SDK1: variants seen among roughly 807,000 people sequenced by gnomAD.
SDK1 encodes sidekick cell adhesion molecule 1, also known as protein sidekick-1.
Under a neutral mutation model 245.5 loss-of-function variants are expected in SDK1, and 157 were observed. The ratio of observed to expected loss-of-function variants is 0.64; its 90% confidence interval spans 0.56 to 0.73. The LOEUF (loss-of-function observed/expected upper bound fraction) is 0.73, where lower values mean the gene tolerates loss of function less well. SDK1 is among the 30% of genes least tolerant of loss of function. The pLI is 0.00. For synonymous variants in SDK1, 1,647 were observed against 1,278.5 expected, an observed-to-expected ratio of 1.29 and a Z score of -6.15; for missense variants, 3,583 against 3,002.3, an observed-to-expected ratio of 1.19 and a Z score of -4.52.
chr7:4,236,357 G>A (rs1050122663), intron 41 of SDK1, among the ~76,000 whole-genome samples: 5 of 152,214 alleles, frequency 3.3e-5, no homozygotes, highest in African/African-American at 4.8e-5. Context: ...CGAGCAGAAC[G>A]AGACAGAAGG....
chr7:4,070,420 G>T (rs2128174270), intron 20 of SDK1, among the ~76,000 whole-genome samples: 1 of 152,320 alleles, frequency 6.6e-6, no homozygotes, highest in South Asian at 2.1e-4. Context: ...GCCACCTCGG[G>T]CTGGAGGCTC....
At chr7:3,821,255 G>T (rs1779638727) in intron 4 of SDK1, among the ~76,000 whole-genome samples, 195 bp from the exon 5 acceptor site, 1 of 151,390 alleles carries the variant, frequency 6.6e-6, no homozygotes, top group East Asian at 1.9e-4. Context: ...TGGGGCTGCA[G>T]TGTGCCAGCT....
chr7:3,329,976 T>C (rs890537897), intron 1 of SDK1, among the ~76,000 whole-genome samples: 1 of 152,250 alleles, frequency 6.6e-6, no homozygotes, highest in Non-Finnish European at 1.5e-5. Flanking sequence ...GATTTTGGTA[T>C]GCATAGGAGG....
chr7:3,942,344 A>G (rs1459287938), intron 5 of SDK1, among the ~76,000 whole-genome samples: 1 of 152,214 alleles, frequency 6.6e-6, no homozygotes, highest in Non-Finnish European at 1.5e-5. Flanking sequence ...ATGACTCTGC[A>G]GAGACGGGGC....
intron 4 of SDK1, among the ~76,000 whole-genome samples, chr7:3,788,044 G>A (rs1481344148): frequency 6.6e-6 from 1 of 152,172 alleles, no homozygotes; most frequent in Non-Finnish European, 1.5e-5. Flanking sequence ...ATGCCAAACA[G>A]CTCGTGTGCT....
chr7:3,847,573 G>A (rs189476414), intron 5 of SDK1, among the ~76,000 whole-genome samples: 75 of 152,292 alleles, frequency 4.9e-4, no homozygotes, highest in African/African-American at 1.5e-3. Context: ...TGCTTCTCAC[G>A]CTGGTCTTTG....
chr7:3,510,136 G>A (rs1232302047), intron 1 of SDK1, among the ~76,000 whole-genome samples: 1 of 152,186 alleles, frequency 6.6e-6, no homozygotes, highest in African/African-American at 2.4e-5. Flanking sequence ...GTCTGACAGT[G>A]TGTTCCCAGT....
chr7:3,578,991 A>T (rs971438422), intron 1 of SDK1, among the ~76,000 whole-genome samples: 2 of 152,010 alleles, frequency 1.3e-5, no homozygotes, highest in Admixed American at 1.3e-4. Flanking sequence ...GAGTATTATT[A>T]GGGAAGTGAT....
At chr7:3,978,258 A>G (rs1783126292) in intron 13 of SDK1, among the ~76,000 whole-genome samples, 1 of 152,162 alleles carries the variant, frequency 6.6e-6, no homozygotes, top group Admixed American at 6.5e-5. Flanking sequence ...CAGAAGCCAA[A>G]TTGCATACTT....
chr7:3,555,585 A>G (rs989509191), intron 1 of SDK1, among the ~76,000 whole-genome samples: 2 of 152,234 alleles, frequency 1.3e-5, no homozygotes, highest in African/African-American at 4.8e-5. Context: ...GATCACATGA[A>G]GTTAAAAAGC....
chr7:3,675,067 C>T (rs557754194), intron 4 of SDK1, among the ~76,000 whole-genome samples: 2 of 152,320 alleles, frequency 1.3e-5, no homozygotes, highest in Non-Finnish European at 2.9e-5. Flanking sequence ...TGTAAACCTT[C>T]TCATGCCCGT....
At chr7:3,774,533 A>C (rs1379033979) in intron 4 of SDK1, among the ~76,000 whole-genome samples, 1 of 152,144 alleles carries the variant, frequency 6.6e-6, no homozygotes, top group East Asian at 1.9e-4. Flanking sequence ...AATTAACTGA[A>C]AATAACTTCA....
chr7:3,884,920 A>T (rs928494210), intron 5 of SDK1, among the ~76,000 whole-genome samples: 8 of 152,184 alleles, frequency 5.3e-5, no homozygotes, highest in Non-Finnish European at 1.0e-4. Flanking sequence ...GTGGAAGCTT[A>T]TCCCTTTCTC....
intron 4 of SDK1, among the ~76,000 whole-genome samples, chr7:3,821,091 A>G (rs1779633758): frequency 6.6e-6 from 1 of 152,176 alleles, no homozygotes; most frequent in Non-Finnish European, 1.5e-5. Context: ...CCAGCCTTCT[A>G]ATTGAAGGGA....
intron 1 of SDK1, among the ~76,000 whole-genome samples, chr7:3,425,705 A>G (rs973832132): frequency 1.3e-5 from 2 of 152,224 alleles, no homozygotes; most frequent in African/African-American, 4.8e-5. Context: ...TAAAATGATC[A>G]TTAATTAGGG....
intron 28 of SDK1, among the ~76,000 whole-genome samples, chr7:4,145,312 T>C (rs1052625593): frequency 1.2e-4 from 19 of 152,252 alleles, no homozygotes; most frequent in Non-Finnish European, 2.1e-4. Context: ...GAGGCCATGC[T>C]GTCTTTTGCA....
At chr7:3,487,754 C>CAAAAAAAAAAAAAA (rs764105126) in intron 1 of SDK1, among the ~76,000 whole-genome samples, 2 of 64,958 alleles carry the variant, frequency 3.1e-5, no homozygotes, top group African/African-American at 5.4e-5. Flanking sequence ...GACCCCATCT[C>CAAAAAAAAAAAAAA]AAAAAAAAAA....
chr7:3,962,681 G>T lies in SDK1; in HGVS notation c.1259G>T (p.Trp420Leu), dbSNP rs1781793209. Residue 420 changes from tryptophan (W) to leucine (L), a missense_variant, in exon 9 of 45, where the codon TGG becomes TTG. Transcript: ENST00000404826. ...GGGGTCCCCCTTCCCACCCTCCAGT[G>T]GTACAAGGATGCCATCTCCATCAGC... is the stretch of plus-strand genomic sequence containing the variant. ...AMGVPLPTLQ[W>L]YKDAISISRL... 6.2e-7 allele frequency: 1 copy of T among 1,612,918 alleles called. No homozygotes were observed. Among genetic ancestry groups the T allele is most frequent in the Admixed American group, 1.7e-5 (1 of 59,874 alleles).
At chr7:4,053,806 G>A (rs1027207419) in intron 19 of SDK1, among the ~76,000 whole-genome samples, 8 of 152,206 alleles carry the variant, frequency 5.3e-5, no homozygotes, top group African/African-American at 1.9e-4. Flanking sequence ...TAGCCCTGCT[G>A]CTGCTGTGAA....
Sources: gnomAD v4.1 joint callset for allele counts (sites outside exome capture counted in the v4.1 genomes callset) on GRCh38, gnomAD v4.1.1 for gene constraint, MANE v1.5 for transcripts, NCBI Gene and HGNC (gene_info 2026-07-23, HGNC 2026-07-21) for gene names.